Variants in TMEM178B observed in about 807,000 individuals in gnomAD.
TMEM178B encodes the protein transmembrane protein 178B.
A neutral mutation model predicts 31.0 loss-of-function variants in TMEM178B; 5 were observed. The ratio of observed to expected loss-of-function variants is 0.16; its 90% CI spans 0.08 to 0.34. TMEM178B has a LOEUF of 0.34. Among genes scored for constraint, TMEM178B ranks in the 10% least tolerant of loss-of-function variants. The pLI, the probability that TMEM178B is intolerant of heterozygous loss-of-function variation, is 1.00. For synonymous variants in TMEM178B, 164 were observed against 164.0 expected (o/e 1.00, Z 0.00); for missense variants, 275 against 400.3 (o/e 0.69, Z 2.67).
chr7:141,425,178 C>T (rs1036506019), intron 2 of TMEM178B, among the ~76,000 whole-genome samples: 6 of 152,204 alleles, frequency 3.9e-5, no homozygotes, highest in Non-Finnish European at 8.8e-5. Context: ...ATTTATCTTC[C>T]CCTTTCCCAG....
rs527253924 is a variant in TMEM178B at position 141,459,688 on chromosome 7, G to A, written c.635-10848G>A. Among the ~76,000 whole-genome samples, 15 of 152,318 alleles carry A rather than the reference G, an allele frequency of 9.8e-5. No individual in the cohort carries two copies. In the South Asian group the frequency reaches 2.7e-3, roughly 27 times the overall value. On this transcript the variant is annotated intron_variant, in intron 3 of 3. Transcript: ENST00000565468. ...ATGAGAATTTCAGACTCCAGTCTAG[G>A]AGACAGGACAATGGCACTTTGACCT...
intron 1 of TMEM178B, among the ~76,000 whole-genome samples, chr7:141,092,252 G>T (rs1794893871): frequency 6.6e-6 from 1 of 152,160 alleles, no homozygotes; most frequent in African/African-American, 2.4e-5. Flanking sequence ...AGAGACTTGG[G>T]TGGGCTTGGA....
At chr7:141,119,807 T>C (rs1795380734) in intron 1 of TMEM178B, among the ~76,000 whole-genome samples, 1 of 152,134 alleles carries the variant, frequency 6.6e-6, no homozygotes, top group Non-Finnish European at 1.5e-5. Flanking sequence ...CTGGTGCAGC[T>C]CTCAGTGAGG....
intron 1 of TMEM178B, among the ~76,000 whole-genome samples, chr7:141,090,018 A>AT (rs1367679474): frequency 6.6e-6 from 1 of 152,044 alleles, no homozygotes; most frequent in African/African-American, 2.4e-5. Flanking sequence ...TAAAAAAAAA[A>AT]GTCTAGCCAC....
In TMEM178B at chr7:141,094,474, A is replaced by T. The variant is rs528973889; in HGVS notation, c.382+19782A>T. Among the ~76,000 whole-genome samples, 6 of 152,346 alleles carry T rather than the reference A, an allele frequency of 3.9e-5. No homozygotes were observed. The South Asian group carries it at 1.2e-3, about 32-fold the overall frequency. On this transcript the variant is annotated intron_variant, in intron 1 of 3. Transcript: ENST00000565468. ...GTATGGTGGTTTGCATTTGCTTTAT[A>T]AAAAGGATCTCTGGTCAGAGTAGCC...
intron 1 of TMEM178B, among the ~76,000 whole-genome samples, chr7:141,204,479 G>A (rs185813613): frequency 8.5e-5 from 13 of 152,292 alleles, no homozygotes; most frequent in African/African-American, 2.2e-4. Flanking sequence ...TCCCAGGAGC[G>A]TCCACTGCAG....
chr7:141,308,371 C>A (rs1798853046), intron 2 of TMEM178B, among the ~76,000 whole-genome samples: 1 of 152,152 alleles, frequency 6.6e-6, no homozygotes, highest in East Asian at 1.9e-4. Flanking sequence ...CCTGTAGTTT[C>A]AAAAAATTTT....
At chr7:141,168,092 G>A (rs1039912190) in intron 1 of TMEM178B, among the ~76,000 whole-genome samples, 2 of 152,252 alleles carry the variant, frequency 1.3e-5, no homozygotes, top group Non-Finnish European at 2.9e-5. Flanking sequence ...ACATCCCTGC[G>A]AGATGGCCAG....
chr7:141,120,912 C>T (rs1795397642), intron 1 of TMEM178B, among the ~76,000 whole-genome samples: 1 of 151,804 alleles, frequency 6.6e-6, no homozygotes, highest in Non-Finnish European at 1.5e-5. Context: ...CTGTAGTGAG[C>T]CATGACCATG....
chr7:141,206,598 G>A (rs527945392), intron 1 of TMEM178B, among the ~76,000 whole-genome samples: 1 of 152,266 alleles, frequency 6.6e-6, no homozygotes, highest in Admixed American at 6.5e-5. Flanking sequence ...TCTGCCAAAG[G>A]CCGCATCATC....
chr7:141,197,937 T>G (rs562765647), intron 1 of TMEM178B, among the ~76,000 whole-genome samples: 178 of 152,298 alleles, frequency 1.2e-3, no homozygotes, highest in Non-Finnish European at 2.1e-3. Flanking sequence ...CCTGCCAGTT[T>G]CCATTCAAGT....
chr7:141,279,073 G>T (rs1200205915), intron 2 of TMEM178B, among the ~76,000 whole-genome samples: 1 of 152,200 alleles, frequency 6.6e-6, no homozygotes, highest in Non-Finnish European at 1.5e-5. Context: ...TCTGTTCAGA[G>T]TGAGGTCAAA....
chr7:141,312,391 T>G (rs372195707), intron 2 of TMEM178B, among the ~76,000 whole-genome samples: 15 of 152,218 alleles, frequency 9.9e-5, no homozygotes, highest in East Asian at 9.6e-4. Flanking sequence ...GGGATTCACA[T>G]CTCAGTGAGA....
chr7:141,335,966 G>A (rs576890745), intron 2 of TMEM178B, among the ~76,000 whole-genome samples: 2 of 152,164 alleles, frequency 1.3e-5, no homozygotes, highest in Non-Finnish European at 2.9e-5. Context: ...TTTAAAGAAG[G>A]CTTTATGCTT....
chr7:141,200,177 G>A (rs1461462145), intron 1 of TMEM178B, among the ~76,000 whole-genome samples: 1 of 152,146 alleles, frequency 6.6e-6, no homozygotes, highest in African/African-American at 2.4e-5. Flanking sequence ...CACTGTGCCT[G>A]GCCCATTTTT....
At chr7:141,178,198 T>C (rs1796463990) in intron 1 of TMEM178B, among the ~76,000 whole-genome samples, 1 of 152,228 alleles carries the variant, frequency 6.6e-6, no homozygotes, top group Admixed American at 6.5e-5. Context: ...CCTTCACTTA[T>C]GAAGCTTAGT....
rs150168533 is a variant in TMEM178B at position 141,422,403 on chromosome 7, C to A, written c.497-15205C>A. Among the ~76,000 whole-genome samples the A allele has an allele frequency of 5.0e-3, 761 of 152,364 alleles. 7 individuals carry two copies. Among genetic ancestry groups the A allele is most frequent in the African/African-American group, 0.017 (718 of 41,592 alleles). ...CTGGTTCTGCTCCCACTTCACCTCC[C>A]ATTTCTGGTGCTACCTCACAATGGA... On this transcript the variant is annotated intron_variant, in intron 2 of 3. Coordinates refer to ENST00000565468, the MANE Select transcript of TMEM178B (RefSeq NM_001195278.2). The surrounding 1 kb of genome is among the most constrained non-coding windows in gnomAD (Gnocchi z 4.2).
chr7:141,505,556 T>C, the TMEM178B span, among the ~76,000 whole-genome samples: 1 of 152,194 alleles, frequency 6.6e-6, no homozygotes, highest in Non-Finnish European at 1.5e-5. Context: ...ATCCTGTTAG[T>C]CATGAGAGTA....
intron 2 of TMEM178B, among the ~76,000 whole-genome samples, chr7:141,227,873 G>A (rs1447731112): frequency 2.0e-5 from 3 of 152,184 alleles, no homozygotes; most frequent in Admixed American, 6.5e-5. Context: ...TTAAAGGATC[G>A]TAGTGACTGT....
Sources: allele counts gnomAD v4.1 joint callset (sites outside exome capture counted in the v4.1 genomes callset), GRCh38; gene constraint gnomAD v4.1.1; non-coding constraint Gnocchi (gnomAD v3.1); transcripts MANE v1.5; gene names NCBI Gene and HGNC (gene_info 2026-07-23, HGNC 2026-07-21).